Variants in SEMA6C observed in about 807,000 individuals in gnomAD.
SEMA6C encodes semaphorin-6C.
Under a neutral mutation model 72.9 loss-of-function variants are expected in SEMA6C, and 37 were observed. The ratio of observed to expected loss-of-function variants is 0.51; its 90% CI spans 0.39 to 0.67. The LOEUF is 0.67. Ranked by LOEUF, SEMA6C falls within the 30% of genes least tolerant of loss-of-function variation. The pLI is 0.00. For synonymous variants in SEMA6C, 578 were observed against 554.1 expected (o/e 1.04, Z -0.61); for missense variants, 1,189 against 1,263.6 (o/e 0.94, Z 0.89).
Position 151,135,250 on chromosome 1 carries a change from G to T in SEMA6C, c.1493C>A (p.Thr498Asn). Reference sequence around the variant, plus strand: ...AGCCACAAAAAGCCTGTGACCCTCAGTGTCCAGCTCCAGCCCTATGATCCG... The same window carrying T: ...AGCCACAAAAAGCCTGTGACCCTCATTGTCCAGCTCCAGCCCTATGATCCG... ...ARRIIGLELDTEGHRLFVAFS... is the reference protein window; with the variant it reads ...ARRIIGLELDNEGHRLFVAFS... Residue 498 changes from threonine to asparagine, a missense_variant, in exon 15 of 19, where the codon ACT (threonine) becomes AAT (asparagine). Transcript: ENST00000368914. 6.2e-7 allele frequency: 1 copy of T among 1,614,246 alleles called. No individual in the cohort carries two copies. Among genetic ancestry groups the T allele is most frequent in the Non-Finnish European group, 8.5e-7 (1 of 1,180,044 alleles).
rs1446971623 is a variant in SEMA6C, at chr1:151,133,479, A to G, written c.1798T>C (p.Ser600Pro). ...RDLPPASASR[S>P]VPIPLLLASV... ...GCCAGGAGGAGTGGGATGGGGACGG[A>G]GCGGGAGGCCGAGGCTGGGGGCAGG... Residue 600 changes from serine to proline, a missense_variant, in exon 19 of 19, where the codon TCC becomes CCC. Around this residue, in one of 2 missense-constraint regions of SEMA6C, gnomAD observed 721 missense variants for 686.2 expected, o/e 1.05. Transcript: ENST00000368914. This position sits in a 1 kb window ranked among gnomAD's most constrained non-coding sequence, Gnocchi z 5.9. The G allele has an allele frequency of 6.5e-7, 1 of 1,542,780 alleles. No individual in the cohort carries two copies. Among genetic ancestry groups the G allele is most frequent in the Non-Finnish European group, 8.7e-7 (1 of 1,149,452 alleles).
Position 151,132,565 on chromosome 1 carries a change from C to T in SEMA6C, c.2712G>A (p.Lys904=), listed in dbSNP as rs1313878157. 1 of 1,551,534 alleles carries T rather than the reference C, an allele frequency of 6.4e-7. No homozygotes were observed. The highest frequency in any genetic ancestry group is 2.0e-5 in the Admixed American group (1 of 51,194). The stretch of plus-strand genomic sequence containing the variant: ...GGGGAGGCTTCAGGGACAACTGGGG[C>T]TTCTCGACGTCCACCCTTTTCAGGG... ...GRALKRVDVE[K]PQLSLKPPLV... Residue 904 remains lysine, a synonymous_variant, in exon 19 of 19, where the codon AAG becomes AAA. Coordinates refer to ENST00000368914, the MANE Select transcript of SEMA6C (RefSeq NM_030913.6).
At chr1:151,142,016 G>A (rs1682593810) in intron 3 of SEMA6C, among the ~76,000 whole-genome samples, 1 of 150,956 alleles carries the variant, frequency 6.6e-6, no homozygotes, top group African/African-American at 2.4e-5. Flanking sequence ...AACCTGCTAA[G>A]GTTTGGTCTA....
In SEMA6C at chr1:151,133,566, G is replaced by A. The variant is rs1182606356; in HGVS notation, c.1760-49C>T. 2.1e-6 allele frequency: 3 copies of A among 1,452,228 alleles called. No homozygotes were observed. Among genetic ancestry groups the A allele is most frequent in the South Asian group, 2.8e-5 (2 of 71,884 alleles). The allele number at this position is 1,452,228 out of a possible 1,614,324, so 90.0% of individuals were successfully genotyped here. The stretch of plus-strand genomic sequence containing the variant: ...AGGCTCAGCCAAGGGGAGGCGGTGC[G>A]GGGTACCTAGGCCCAGAGGCGCCGG... On this transcript the variant is annotated intron_variant, in intron 18 of 18. Transcript: ENST00000368914. This position sits in a 1 kb window ranked among gnomAD's most constrained non-coding sequence, Gnocchi z 5.9.
At position 151,142,489 on chromosome 1, in the gene SEMA6C, G is replaced by C; in HGVS notation, c.118+15C>G. The C allele has an allele frequency of 6.2e-7, 1 of 1,613,334 alleles. No individual in the cohort carries two copies. The highest frequency in any genetic ancestry group is 8.5e-7 in the Non-Finnish European group (1 of 1,179,798). ...TGTTCACAGAGATGGGGCAAGGTAG[G>C]TACTGGGCACTCACCTTGAAGGTCA... On this transcript the variant is annotated intron_variant, in intron 3 of 18. Transcript: ENST00000368914.
chr1:151,135,441 A>T (rs1040642584), intron 14 of SEMA6C, 132 bp from the exon 15 acceptor site: 2 of 1,444,520 alleles, frequency 1.4e-6, no homozygotes, highest in African/African-American at 2.8e-5. Flanking sequence ...GCCCTACCAC[A>T]CTGTCCAGTC....
chr1:151,133,029 CCAGCACG>C lies in SEMA6C; in HGVS notation c.2241_2247del (p.Val748Ter). On this transcript the variant is annotated frameshift_variant, in exon 19 of 19. Transcript: ENST00000368914. LOFTEE classifies it low-confidence loss of function (END_TRUNC). The surrounding 1 kb of genome is among the most constrained non-coding windows in gnomAD (Gnocchi z 5.9). ...GGACAGCCGGGCGGCGGTGGCCTCA[CCAGCACG>C]CGGGGCGCGGGCCCGCCCGCCGCGT... 3 of 1,401,244 alleles carry C rather than the reference CCAGCACG, an allele frequency of 2.1e-6. No individual in the cohort carries two copies. The highest frequency in any genetic ancestry group is 1.8e-6 in the Non-Finnish European group (2 of 1,081,186). 86.8% of individuals were successfully genotyped at this position (1,401,244 alleles called of 1,614,324 possible). A position where few individuals can be genotyped will look rare whatever the true frequency, so the allele number is the denominator to read the frequency against.
At chr1:151,138,966 G>T (rs1484559035) in intron 6 of SEMA6C, among the ~76,000 whole-genome samples, 1 of 152,118 alleles carries the variant, frequency 6.6e-6, no homozygotes, top group African/African-American at 2.4e-5. Flanking sequence ...AGCAGCATGT[G>T]CCTGTAATCC....
Position 151,138,198 on chromosome 1 carries a change from C to A in SEMA6C, c.548-93G>T, listed in dbSNP as rs1000400519. 5.0e-6 allele frequency: 8 copies of A among 1,586,822 alleles called. No individual in the cohort carries two copies. In the East Asian group the frequency reaches 1.1e-4, roughly 22 times the overall value. ...TCCTGCACCCCTACCTAGGCCTGGC[C>A]CTGGTCCCTACCTCAACCCTCCACT... is the stretch of plus-strand genomic sequence containing the variant. On this transcript the variant is annotated intron_variant, in intron 8 of 18. Coordinates refer to ENST00000368914, the MANE Select transcript of SEMA6C (RefSeq NM_030913.6).
chr1:151,139,762 CA>C (rs939840980), intron 4 of SEMA6C, 61 bp from the exon 5 acceptor site: 83 of 1,489,932 alleles, frequency 5.6e-5, no homozygotes, highest in Non-Finnish European at 7.3e-5. Context: ...TACCCACAGT[CA>C]GCTGTTCAGG....
intron 3 of SEMA6C, among the ~76,000 whole-genome samples, chr1:151,140,732 C>T (rs971348173): frequency 1.3e-5 from 2 of 152,322 alleles, no homozygotes; most frequent in South Asian, 2.1e-4. Flanking sequence ...CGGTGGCTCA[C>T]GCCTGTAATC....
chr1:151,141,610 C>A (rs1412165248), intron 3 of SEMA6C, among the ~76,000 whole-genome samples: 2 of 152,006 alleles, frequency 1.3e-5, no homozygotes. Flanking sequence ...GGGGTTCCAC[C>A]ATGTTAGCCA....
chr1:151,146,123 C>T lies in SEMA6C; in HGVS notation c.-105+310G>A, dbSNP rs1682915186. On this transcript the variant is annotated intron_variant, in intron 1 of 18. Coordinates refer to ENST00000368914, the MANE Select transcript of SEMA6C (RefSeq NM_030913.6). The surrounding 1 kb of genome is among the most constrained non-coding windows in gnomAD (Gnocchi z 4.6). ...TGGGAAAGCAAGGGGCCAGGTTTTC[C>T]ACGCTCTCTACGGAGCGCGCCTCAA... is the stretch of plus-strand genomic sequence containing the variant. 6.6e-6 allele frequency: 1 copy of T among 152,174 alleles called. No homozygotes were observed. Among genetic ancestry groups the T allele is most frequent in the African/African-American group, 2.4e-5 (1 of 41,418 alleles). The allele number at this position is 152,174 out of a possible 1,614,324, so 9.4% of individuals were successfully genotyped here.
intron 12 of SEMA6C, 35 bp downstream of exon 12, chr1:151,136,412 CT>C (rs1202694659): frequency 6.2e-7 from 1 of 1,606,982 alleles, no homozygotes; most frequent in Non-Finnish European, 8.5e-7. Context: ...ACGCTGCTTG[CT>C]TCTGCCCCCA....
Position 151,142,650 on chromosome 1 carries a change from G to C in SEMA6C, c.-29C>G, listed in dbSNP as rs768031958. On this transcript the variant is annotated 5_prime_UTR_variant, in exon 3 of 19. Coordinates refer to ENST00000368914, the MANE Select transcript of SEMA6C (RefSeq NM_030913.6). Reference sequence around the variant, plus strand: ...GTGCGGGGCAGCTCAGGCCCCAGGGGGTGCCCCCTCACCCATAAGCCGGCC... The same window carrying C: ...GTGCGGGGCAGCTCAGGCCCCAGGGCGTGCCCCCTCACCCATAAGCCGGCC... 6.7e-7 allele frequency: 1 copy of C among 1,495,434 alleles called. No individual in the cohort carries two copies. The highest frequency in any genetic ancestry group is 1.4e-5 in the African/African-American group (1 of 70,580). 92.6% of individuals were successfully genotyped at this position (1,495,434 alleles called of 1,614,324 possible). A position where few individuals can be genotyped will look rare whatever the true frequency, so the allele number is the denominator to read the frequency against.
intron 18 of SEMA6C, 48 bp downstream of exon 18, chr1:151,134,353 G>C (rs1193502789): frequency 6.6e-7 from 1 of 1,507,940 alleles, no homozygotes; most frequent in Non-Finnish European, 9.1e-7. Context: ...ACACACTCAG[G>C]TATGTGGGCT....
rs1351645927 is a variant in SEMA6C, at chr1:151,132,764, G to C, written c.2513C>G (p.Ser838Cys). 7.0e-7 allele frequency: 1 copy of C among 1,436,416 alleles called. No homozygotes were observed. The highest frequency in any genetic ancestry group is 2.6e-5 in the East Asian group (1 of 38,200). 89.0% of individuals were successfully genotyped at this position (1,436,416 alleles called of 1,614,324 possible). A position where few individuals can be genotyped will look rare whatever the true frequency, so the allele number is the denominator to read the frequency against. Reference protein sequence around the residue: ...CASAPARPALSAPAPRLGVGG... With the variant: ...CASAPARPALCAPAPRLGVGG... ...GACGCCCAGCCGGGGAGCGGGGGCG[G>C]AGAGCGCGGGCCGGGCGGGGGCAGA... Residue 838 changes from serine to cysteine, a missense_variant, in exon 19 of 19, where the codon TCC becomes TGC. Coordinates refer to ENST00000368914, the MANE Select transcript of SEMA6C (RefSeq NM_030913.6).
intron 3 of SEMA6C, among the ~76,000 whole-genome samples, chr1:151,142,097 A>AGTG (rs1682604302): frequency 6.8e-6 from 1 of 147,854 alleles, no homozygotes; most frequent in Non-Finnish European, 1.5e-5. Context: ...GCTGGAGTGC[A>AGTG]GCGATATCCG....
rs1681713115 is a variant in SEMA6C at position 151,133,184 on chromosome 1, A to T, written c.2093T>A (p.Leu698Gln). ...EGVPPPELAC[L>Q]PTPESTPELP... ...CTCCGGCGTGGACTCGGGGGTGGGC[A>T]GGCAGGCCAGCTCCGGCGGGGGCAC... The change falls in exon 19 of 19, where the codon CTG (leucine) becomes CAG (glutamine). Residue 698 changes from leucine (L) to glutamine (Q), a missense_variant. Leu to Gln is a moderately radical substitution (Grantham distance 113, BLOSUM62 -2). Coordinates refer to ENST00000368914, the MANE Select transcript of SEMA6C (RefSeq NM_030913.6). The surrounding 1 kb of genome is among the most constrained non-coding windows in gnomAD (Gnocchi z 5.9). The T allele has an allele frequency of 6.4e-7, 1 of 1,561,904 alleles. No homozygotes were observed. The highest frequency in any genetic ancestry group is 1.4e-5 in the African/African-American group (1 of 72,610).
Sources: gnomAD v4.1 joint callset for allele counts (sites outside exome capture counted in the v4.1 genomes callset) on GRCh38, gnomAD v4.1.1 for gene constraint, gnomAD v4.1.1 regional missense constraint, Gnocchi (gnomAD v3.1) non-coding constraint, MANE v1.5 for transcripts, NCBI Gene and HGNC (gene_info 2026-07-23, HGNC 2026-07-21) for gene names.